The following NATD1 variants were observed in gnomAD, a reference collection of about 807,000 sequenced individuals.
NATD1 encodes the protein protein NATD1.
Under a neutral mutation model 12.0 loss-of-function variants are expected in NATD1, and 9 were observed. That is an observed-to-expected ratio of 0.75 (90% CI 0.45 to 1.30). NATD1 has a LOEUF of 1.30. Ranked by LOEUF, NATD1 falls within the 50% of genes most tolerant of loss-of-function variation. The pLI, the probability that NATD1 is intolerant of heterozygous loss-of-function variation, is 0.00. For synonymous variants in NATD1, 71 were observed against 65.9 expected, an observed-to-expected ratio of 1.08 and a Z score of -0.37; for missense variants, 148 against 148.5, an observed-to-expected ratio of 1.00 and a Z score of 0.02.
At chr17:21,245,564 G>C (rs1975318218) in intron 1 of NATD1, among the ~76,000 whole-genome samples, 1 of 152,160 alleles carries the variant, frequency 6.6e-6, no homozygotes, top group Non-Finnish European at 1.5e-5. Flanking sequence ...AGCCTCAGGA[G>C]AGTGGCTACA....
chr17:21,239,537 C>T lies in NATD1; in HGVS notation c.*3776G>A, dbSNP rs377232322. The T allele has an allele frequency of 2.6e-5, 4 of 152,370 alleles. No homozygotes were observed. The East Asian group carries it at 7.7e-4, about 29-fold the overall frequency. The allele number at this position is 152,370 out of a possible 1,614,324, so 9.4% of individuals were successfully genotyped here. A position where few individuals can be genotyped will look rare whatever the true frequency, so the allele number is the denominator to read the frequency against. On this transcript the variant is annotated 3_prime_UTR_variant, in exon 3 of 3. Transcript: ENST00000611551. Reference sequence around the variant, plus strand: ...TGGTGAGGTGGCTCACGCCTGTAATCCCAACACTTTGGGAGGCCGAGGTGG... The same window carrying T: ...TGGTGAGGTGGCTCACGCCTGTAATTCCAACACTTTGGGAGGCCGAGGTGG...
At position 21,243,301 on chromosome 17, in the gene NATD1, T is replaced by G. The variant is rs1312419662; in HGVS notation, c.*12A>C. 1.9e-6 allele frequency: 3 copies of G among 1,609,468 alleles called. No homozygotes were observed. In the Admixed American group the frequency reaches 5.0e-5, roughly 27 times the overall value. ...GAGTCCGGCAGGGAGCGCTCCCGCC[T>G]GCAGGCCAGGGTTACGGCTGCAGGC... On this transcript the variant is annotated 3_prime_UTR_variant, in exon 3 of 3. Coordinates refer to ENST00000611551, the MANE Select transcript of NATD1 (RefSeq NM_152914.3).
chr17:21,248,734 C>A (rs1488926950), intron 1 of NATD1, among the ~76,000 whole-genome samples: 1 of 152,154 alleles, frequency 6.6e-6, no homozygotes, highest in Admixed American at 6.5e-5. Context: ...CTTGAGAACT[C>A]CAGACCTCAG....
chr17:21,248,741 T>C (rs374089291), intron 1 of NATD1, among the ~76,000 whole-genome samples: 1,827 of 152,126 alleles, frequency 0.012, 46 homozygotes, highest in African/African-American at 0.041. Flanking sequence ...ACTCCAGACC[T>C]CAGACTAGCA....
chr17:21,250,258 C>T (rs1472167404), intron 1 of NATD1, among the ~76,000 whole-genome samples: 1 of 152,226 alleles, frequency 6.6e-6, no homozygotes, highest in African/African-American at 2.4e-5. Context: ...AGCCTTTGCT[C>T]TTGCTATTCC....
intron 1 of NATD1, among the ~76,000 whole-genome samples, chr17:21,251,968 T>A (rs1407213213): frequency 6.6e-6 from 1 of 152,186 alleles, no homozygotes; most frequent in African/African-American, 2.4e-5. Context: ...TTTTTGTAGT[T>A]CTATTTCCTA....
rs990709879 is a variant in NATD1 at position 21,238,992 on chromosome 17, G to A, written c.*4321C>T. ...CAACACAAGTTGAAGTCACAGCCTT[G>A]CCGGAACTCTTATGTAAAGTTTAGG... On this transcript the variant is annotated 3_prime_UTR_variant, in exon 3 of 3. Transcript: ENST00000611551. 25 of 152,214 alleles carry A rather than the reference G, an allele frequency of 1.6e-4. No homozygotes were observed. The highest frequency in any genetic ancestry group is 1.5e-3 in the Admixed American group (23 of 15,284). The allele number at this position is 152,214 out of a possible 1,614,324, so 9.4% of individuals were successfully genotyped here. A position where few individuals can be genotyped will look rare whatever the true frequency, so the allele number is the denominator to read the frequency against.
rs1002265191 is a variant in NATD1 at position 21,240,625 on chromosome 17, C to T, written c.*2688G>A. 1 of 152,658 alleles carries T rather than the reference C, an allele frequency of 6.6e-6. No homozygotes were observed. The highest frequency in any genetic ancestry group is 2.4e-5 in the African/African-American group (1 of 41,454). 9.5% of individuals were successfully genotyped at this position (152,658 alleles called of 1,614,324 possible). On this transcript the variant is annotated 3_prime_UTR_variant, in exon 3 of 3. Coordinates refer to ENST00000611551, the MANE Select transcript of NATD1 (RefSeq NM_152914.3). ...ATTTTGACCCGGCAAGAAATACAAA[C>T]CCACAGGGTGAGGCGGGCAGAAAAG...
At position 21,241,525 on chromosome 17, in the gene NATD1, A is replaced by G. The variant is rs1038963461; in HGVS notation, c.*1788T>C. On this transcript the variant is annotated 3_prime_UTR_variant, in exon 3 of 3. Coordinates refer to ENST00000611551, the MANE Select transcript of NATD1 (RefSeq NM_152914.3). ...GCCACCCCTAGCCCCGGAGCAGCTC[A>G]GCCCACCTCCTGCCAGCTGCATCTC... 2 of 152,518 alleles carry G rather than the reference A, an allele frequency of 1.3e-5. No individual in the cohort carries two copies. The highest frequency in any genetic ancestry group is 1.3e-4 in the Admixed American group (2 of 15,284). 9.4% of individuals were successfully genotyped at this position (152,518 alleles called of 1,614,324 possible).
At chr17:21,247,923 G>A (rs1274078395) in intron 1 of NATD1, among the ~76,000 whole-genome samples, 1 of 152,218 alleles carries the variant, frequency 6.6e-6, no homozygotes, top group Non-Finnish European at 1.5e-5. Context: ...GAGGCCTCTG[G>A]GCAGGTGACG....
intron 2 of NATD1, among the ~76,000 whole-genome samples, chr17:21,243,851 G>A (rs1975301890): frequency 6.6e-6 from 1 of 152,198 alleles, no homozygotes; most frequent in South Asian, 2.1e-4. Context: ...CCCTGAGGAT[G>A]AAGGGGTTGG....
chr17:21,251,707 G>A (rs1041047665), intron 1 of NATD1, among the ~76,000 whole-genome samples: 35 of 152,334 alleles, frequency 2.3e-4, no homozygotes, highest in Admixed American at 1.6e-3. Flanking sequence ...AAATGGCATC[G>A]GAGATCTGGC....
rs978751400 is a variant in NATD1, at chr17:21,240,795, G to A, written c.*2518C>T. ...CAGGAGGGGTGAGGCTAGGCTGCCAGGCAGACAGGGTAGCACCAGATGGGA... is the reference window on the plus strand; with the variant it reads ...CAGGAGGGGTGAGGCTAGGCTGCCAAGCAGACAGGGTAGCACCAGATGGGA... On this transcript the variant is annotated 3_prime_UTR_variant, in exon 3 of 3. Coordinates refer to ENST00000611551, the MANE Select transcript of NATD1 (RefSeq NM_152914.3). 15 of 152,962 alleles carry A rather than the reference G, an allele frequency of 9.8e-5. No homozygotes were observed. Among genetic ancestry groups the A allele is most frequent in the Non-Finnish European group, 1.9e-4 (13 of 68,216 alleles). The allele number at this position is 152,962 out of a possible 1,614,324, so 9.5% of individuals were successfully genotyped here.
intron 1 of NATD1, among the ~76,000 whole-genome samples, chr17:21,252,819 AGACAGGG>A (rs1975390451): frequency 6.6e-6 from 1 of 151,978 alleles, no homozygotes; most frequent in African/African-American, 2.4e-5. Flanking sequence ...CCTGCGGCTG[AGACAGGG>A]GACCCGCGCT....
chr17:21,249,681 G>A (rs1025288449), intron 1 of NATD1, among the ~76,000 whole-genome samples: 1 of 152,174 alleles, frequency 6.6e-6, no homozygotes, highest in Non-Finnish European at 1.5e-5. Flanking sequence ...TTTCCTTGCA[G>A]CAAGTGGGAC....
At chr17:21,250,169 G>A (rs973935336) in intron 1 of NATD1, among the ~76,000 whole-genome samples, 10 of 152,208 alleles carry the variant, frequency 6.6e-5, no homozygotes, top group Non-Finnish European at 1.3e-4. Context: ...ATAGGACAAC[G>A]GCTTCCAGGC....
rs764061005 is a variant in NATD1 at position 21,243,356 on chromosome 17, T to C, written c.299A>G (p.Lys100Arg). Reference sequence around the variant, plus strand: ...CAGGTACTGCGGCAGGGGGTTCTCCTTGACGTACTTCTGGATGTACCAGCA... The same window carrying C: ...CAGGTACTGCGGCAGGGGGTTCTCCCTGACGTACTTCTGGATGTACCAGCA... The part of the protein sequence containing the change: ...LTCWYIQKYV[K>R]ENPLPQYLER... Residue 100 changes from lysine (K) to arginine (R), a missense_variant, in exon 3 of 3, where the codon AAG (lysine) becomes AGG (arginine). Lys to Arg is a conservative substitution (Grantham distance 26, BLOSUM62 2). Coordinates refer to ENST00000611551, the MANE Select transcript of NATD1 (RefSeq NM_152914.3). 5.6e-6 allele frequency: 9 copies of C among 1,613,458 alleles called. No individual in the cohort carries two copies. The East Asian group carries it at 1.6e-4, about 28-fold the overall frequency.
chr17:21,241,632 A>G lies in NATD1; in HGVS notation c.*1681T>C, dbSNP rs1975274355. ...ACTTCCTGGAGGCCAGGGCAGGAGC[A>G]TCTGCCACAGGTCAAGGGGCAGGGA... On this transcript the variant is annotated 3_prime_UTR_variant, in exon 3 of 3. Coordinates refer to ENST00000611551, the MANE Select transcript of NATD1 (RefSeq NM_152914.3). 6.6e-6 allele frequency: 1 copy of G among 152,598 alleles called. No individual in the cohort carries two copies. Among genetic ancestry groups the G allele is most frequent in the South Asian group, 2.1e-4 (1 of 4,844 alleles). The allele number at this position is 152,598 out of a possible 1,614,324, so 9.5% of individuals were successfully genotyped here.
At chr17:21,249,791 A>G (rs1418188854) in intron 1 of NATD1, among the ~76,000 whole-genome samples, 2 of 152,230 alleles carry the variant, frequency 1.3e-5, no homozygotes, top group Non-Finnish European at 2.9e-5. Flanking sequence ...AACCGTCCTC[A>G]GATGGAGGCC....
Sources: allele counts gnomAD v4.1 joint callset (sites outside exome capture counted in the v4.1 genomes callset), GRCh38; gene constraint gnomAD v4.1.1; transcripts MANE v1.5; gene names NCBI Gene and HGNC (gene_info 2026-07-23, HGNC 2026-07-21).